GRM7: variants seen among roughly 807,000 people sequenced by gnomAD.
GRM7 encodes glutamate metabotropic receptor 7.
GRM7 carries 35 observed loss-of-function variants against 84.5 expected under a neutral mutation model. The ratio of observed to expected loss-of-function variants is 0.41; its 90% confidence interval spans 0.32 to 0.55. The LOEUF (loss-of-function observed/expected upper bound fraction) is 0.55, where lower values mean the gene tolerates loss of function less well. Ranked by LOEUF, GRM7 falls within the 20% of genes least tolerant of loss-of-function variation. GRM7 has a pLI of 0.19. For synonymous variants in GRM7, 487 were observed against 455.1 expected (o/e 1.07, Z -0.89); for missense variants, 1,003 against 1,194.6 (o/e 0.84, Z 2.36).
intron 8 of GRM7, among the ~76,000 whole-genome samples, chr3:7,601,370 G>T (rs1022199055): frequency 2.6e-5 from 4 of 151,966 alleles, no homozygotes; most frequent in Non-Finnish European, 5.9e-5. Flanking sequence ...CTCTACATTA[G>T]ACCATAAGTG....
intron 1 of GRM7, among the ~76,000 whole-genome samples, chr3:6,952,520 A>T (rs1692829147): frequency 6.6e-6 from 1 of 152,126 alleles, no homozygotes; most frequent in South Asian, 2.1e-4. Flanking sequence ...GTGACTCTTC[A>T]ACTGAAGAAG....
intron 2 of GRM7, among the ~76,000 whole-genome samples, chr3:7,283,507 G>A (rs1328237386): frequency 6.6e-6 from 1 of 152,008 alleles, no homozygotes; most frequent in African/African-American, 2.4e-5. Flanking sequence ...TGATTTAATG[G>A]ATATGAAAGA....
At chr3:7,094,965 A>G (rs1437906224) in intron 1 of GRM7, among the ~76,000 whole-genome samples, 1 of 151,764 alleles carries the variant, frequency 6.6e-6, no homozygotes, top group African/African-American at 2.4e-5. Context: ...TGCTACTTGA[A>G]CTGAGGGCTG....
chr3:7,240,382 C>T (rs1575070073), intron 2 of GRM7, among the ~76,000 whole-genome samples: 2 of 151,226 alleles, frequency 1.3e-5, no homozygotes, highest in African/African-American at 4.8e-5. Flanking sequence ...TTTTAAAATA[C>T]ACCAAATAAA....
At chr3:7,062,314 A>G (rs936889789) in intron 1 of GRM7, among the ~76,000 whole-genome samples, 13 of 151,608 alleles carry the variant, frequency 8.6e-5, no homozygotes, top group African/African-American at 3.1e-4. Flanking sequence ...AACATGAAGG[A>G]GACGGTGTAC....
intron 4 of GRM7, among the ~76,000 whole-genome samples, chr3:7,399,134 G>A (rs1335991493): frequency 2.6e-5 from 4 of 151,030 alleles, no homozygotes; most frequent in African/African-American, 7.3e-5. Flanking sequence ...CTTAAGCTTA[G>A]TGATTTGGAA....
chr3:7,169,163 A>G (rs779523903), intron 2 of GRM7, among the ~76,000 whole-genome samples: 1 of 152,102 alleles, frequency 6.6e-6, no homozygotes, highest in Non-Finnish European at 1.5e-5. Flanking sequence ...GACTGAAATC[A>G]TCTTGTCCGG....
intron 4 of GRM7, among the ~76,000 whole-genome samples, chr3:7,370,034 C>G (rs1694066967): frequency 6.6e-6 from 1 of 152,072 alleles, no homozygotes; most frequent in South Asian, 2.1e-4. Flanking sequence ...TGATTCCAGC[C>G]ACTTTGCCTC....
At chr3:7,045,318 A>C (rs1250963757) in intron 1 of GRM7, among the ~76,000 whole-genome samples, 1 of 152,152 alleles carries the variant, frequency 6.6e-6, no homozygotes, top group East Asian at 1.9e-4. Flanking sequence ...AATCCTCTGC[A>C]TTTGCCTGGG....
intron 6 of GRM7, among the ~76,000 whole-genome samples, chr3:7,459,070 C>G (rs1021522160): frequency 6.6e-6 from 1 of 152,136 alleles, no homozygotes; most frequent in Admixed American, 6.5e-5. Context: ...ACACAGCAGG[C>G]TTAAGAGATC....
Position 7,304,300 on chromosome 3 carries a change from CATCCAT to C in GRM7, c.879-2197_879-2192del, listed in dbSNP as rs796166555. Reference sequence around the variant, plus strand: ...TTGAAGCCATTGCTCCATCATCCATCATCCATCCTTTTTTTTTTTTTTTGCCTCTTG... The same window carrying C: ...TTGAAGCCATTGCTCCATCATCCATCCCTTTTTTTTTTTTTTTGCCTCTTG... On this transcript the variant is annotated intron_variant, in intron 3 of 9. Transcript: ENST00000357716. Among the ~76,000 whole-genome samples the C allele has an allele frequency of 4.5e-3, 419 of 92,630 alleles. 2 individuals are homozygous for C. The highest frequency in any genetic ancestry group is 0.026 in the East Asian group (83 of 3,254). The allele number at this position is 92,630 out of a possible 152,430, so 60.8% of individuals were successfully genotyped here.
intron 7 of GRM7, among the ~76,000 whole-genome samples, chr3:7,477,014 C>T (rs535088113): frequency 7.7e-4 from 117 of 152,154 alleles, no homozygotes; most frequent in Non-Finnish European, 9.0e-4. Flanking sequence ...TAACCACTTC[C>T]CTGAAGCTCT....
At chr3:7,575,830 A>G (rs73809427) in intron 7 of GRM7, among the ~76,000 whole-genome samples, 416 of 152,318 alleles carry the variant, frequency 2.7e-3, no homozygotes, top group African/African-American at 9.6e-3. Flanking sequence ...TCGTGGTTAC[A>G]GCTCCTGTAT....
At chr3:7,545,718 A>G (rs565029627) in intron 7 of GRM7, among the ~76,000 whole-genome samples, 1 of 152,294 alleles carries the variant, frequency 6.6e-6, no homozygotes, top group African/African-American at 2.4e-5. Flanking sequence ...TGATTGAGAG[A>G]AAGAAGAAGG....
chr3:7,494,533 G>A (rs1699631199), intron 7 of GRM7, among the ~76,000 whole-genome samples: 2 of 152,084 alleles, frequency 1.3e-5, no homozygotes, highest in South Asian at 2.1e-4. Context: ...ATTATTTCTT[G>A]TACTACCCTT....
intron 5 of GRM7, among the ~76,000 whole-genome samples, chr3:7,422,344 C>T (rs73810639): frequency 1.2e-3 from 176 of 152,214 alleles, no homozygotes; most frequent in African/African-American, 4.1e-3. Flanking sequence ...TTTACAATGA[C>T]GGACATATTT....
At chr3:7,396,436 C>G (rs946295246) in intron 4 of GRM7, among the ~76,000 whole-genome samples, 1 of 152,164 alleles carries the variant, frequency 6.6e-6, no homozygotes, top group Non-Finnish European at 1.5e-5. Context: ...GTTAAATCCT[C>G]TCCAGTTAGC....
At chr3:7,474,014 A>T (rs1012907880) in intron 7 of GRM7, among the ~76,000 whole-genome samples, 1 of 152,178 alleles carries the variant, frequency 6.6e-6, no homozygotes, top group African/African-American at 2.4e-5. Context: ...GAATCTTTTA[A>T]TCTATGATAC....
intron 2 of GRM7, among the ~76,000 whole-genome samples, chr3:7,168,597 G>T (rs1015285922): frequency 6.6e-6 from 1 of 152,124 alleles, no homozygotes; most frequent in African/African-American, 2.4e-5. Context: ...AATGTTTGTT[G>T]TTTAAGCCCT....
Sources: gnomAD v4.1 joint callset for allele counts (sites outside exome capture counted in the v4.1 genomes callset) on GRCh38, gnomAD v4.1.1 for gene constraint, MANE v1.5 for transcripts, NCBI Gene and HGNC (gene_info 2026-07-23, HGNC 2026-07-21) for gene names.